The following TUBGCP3 variants were observed in gnomAD, a reference collection of about 807,000 sequenced individuals.
TUBGCP3 encodes the protein tubulin gamma complex component 3, also known as gamma-tubulin complex component 3.
Under a neutral mutation model 123.1 loss-of-function variants are expected in TUBGCP3, and 50 were observed. The observed-to-expected ratio is 0.41, with a 90% confidence interval of 0.32 to 0.51. The LOEUF (loss-of-function observed/expected upper bound fraction) is 0.51. Among genes scored for constraint, TUBGCP3 ranks in the 20% least tolerant of loss-of-function variants. The pLI, the probability that TUBGCP3 is intolerant of heterozygous loss-of-function variation, is 0.36. For synonymous variants in TUBGCP3, 405 were observed against 413.9 expected (o/e 0.98, Z 0.26); for missense variants, 882 against 1,127.0 (o/e 0.78, Z 3.11).
intron 19 of TUBGCP3, among the ~76,000 whole-genome samples, chr13:112,502,606 C>T (rs9550119): frequency 0.15 from 21,286 of 141,400 alleles, 1,841 homozygotes; most frequent in Non-Finnish European, 0.2. Context: ...AGTGCAATGG[C>T]GCAATCTTGG....
chr13:112,488,752 A>T (rs1879858462), intron 21 of TUBGCP3, among the ~76,000 whole-genome samples: 1 of 137,678 alleles, frequency 7.3e-6, no homozygotes, highest in Admixed American at 7.0e-5. Context: ...CACACCCACC[A>T]CAGGGGAGCA....
chr13:112,506,193 A>G (rs1881294835), intron 17 of TUBGCP3, among the ~76,000 whole-genome samples: 1 of 152,154 alleles, frequency 6.6e-6, no homozygotes, highest in Non-Finnish European at 1.5e-5. Context: ...TGTTAAAGAG[A>G]GGGATGACAC....
intron 1 of TUBGCP3, 128 bp from the exon 2 acceptor site, chr13:112,569,387 G>C: frequency 1.4e-6 from 1 of 708,226 alleles, no homozygotes; most frequent in Non-Finnish European, 2.4e-6. Context: ...TCTTAACTGA[G>C]AGGACAGAAA....
chr13:112,588,765 G>A (rs1882802909), upstream of TUBGCP3, among the ~76,000 whole-genome samples: 1 of 152,158 alleles, frequency 6.6e-6, no homozygotes, highest in Non-Finnish European at 1.5e-5. Context: ...TGCACGCTTG[G>A]GAGCCGTGAG....
At chr13:112,490,948 G>A (rs1594096307) in intron 20 of TUBGCP3, among the ~76,000 whole-genome samples, 1 of 152,252 alleles carries the variant, frequency 6.6e-6, no homozygotes, top group East Asian at 1.9e-4. Context: ...GAAACCTATG[G>A]AAAATGATTT....
At position 112,504,605 on chromosome 13, in the gene TUBGCP3, AACACAATG is replaced by A; in HGVS notation, c.2175+13_2175+20del. 6.2e-7 allele frequency: 1 copy of A among 1,604,854 alleles called. No homozygotes were observed. ...GACATGACTTATTTAAACTAAAATC[AACACAATG>A]ACTGAAGTGTACCTCAAATGTGATG... is the stretch of plus-strand genomic sequence containing the variant. On this transcript the variant is annotated intron_variant, in intron 18 of 21. Transcript: ENST00000261965.
chr13:112,574,343 C>A (rs1881646311), intron 1 of TUBGCP3, among the ~76,000 whole-genome samples: 1 of 147,532 alleles, frequency 6.8e-6, no homozygotes, highest in Non-Finnish European at 1.5e-5. Context: ...CCTGCCCAAT[C>A]CACAGAGAAT....
At position 112,486,068 on chromosome 13, in the gene TUBGCP3, G is replaced by A. The variant is rs758513847; in HGVS notation, c.2649C>T (p.Asn883=). The A allele has an allele frequency of 2.5e-5, 41 of 1,610,318 alleles. No individual in the cohort carries two copies. Among genetic ancestry groups the A allele is most frequent in the Non-Finnish European group, 2.8e-5 (33 of 1,176,980 alleles). The change falls in exon 22 of 22, where the codon AAC becomes AAT. Residue 883 remains asparagine (N), a synonymous_variant. Transcript: ENST00000261965. ...TGGGCTCCCTGGCTTTGTAATGCTC[G>A]TTGAAGTCCAGCCTGAAGCTAAGAA... ...LRFLSFRLDF[N]EHYKAREPRL...
In TUBGCP3 at chr13:112,575,978, C is replaced by G. The variant is rs1167532293; in HGVS notation, c.77-6719G>C. 2.0e-5 allele frequency among the ~76,000 whole-genome samples: 3 copies of G among 152,182 alleles called. No individual in the cohort carries two copies. The East Asian group carries it at 5.8e-4, about 29-fold the overall frequency. ...AGGACACTGCCTTTGGCTCTGGTCT[C>G]CAGAAACACAGGGGAATAAACGAAC... On this transcript the variant is annotated intron_variant, in intron 1 of 21. Transcript: ENST00000261965.
chr13:112,578,527 C>T (rs1337545476), intron 1 of TUBGCP3, among the ~76,000 whole-genome samples: 1 of 126,342 alleles, frequency 7.9e-6, no homozygotes, highest in Admixed American at 9.3e-5. Context: ...CCACTGCAGT[C>T]CAGCTTGGGC....
In TUBGCP3 at chr13:112,524,431, G is replaced by T. The variant is rs748498517; in HGVS notation, c.1556-1922C>A. ...ATGGAGAGCCTCCGGCACAGCAGGC[G>T]CATGGGGACGCCCTGTCCCAGGCAC... On this transcript the variant is annotated intron_variant, in intron 13 of 21. Coordinates refer to ENST00000261965, the MANE Select transcript of TUBGCP3 (RefSeq NM_006322.6). The surrounding 1 kb of genome is among the most constrained non-coding windows in gnomAD (Gnocchi z 4.4). Among the ~76,000 whole-genome samples the T allele has an allele frequency of 2.6e-5, 4 of 152,200 alleles. No homozygotes were observed. Among genetic ancestry groups the T allele is most frequent in the African/African-American group, 9.7e-5 (4 of 41,448 alleles).
At chr13:112,498,154 T>C (rs557090871) in intron 20 of TUBGCP3, among the ~76,000 whole-genome samples, 16 of 152,280 alleles carry the variant, frequency 1.1e-4, no homozygotes, top group African/African-American at 3.8e-4. Context: ...ATTACAGGTA[T>C]ATAAACATAC....
intron 3 of TUBGCP3, among the ~76,000 whole-genome samples, chr13:112,563,324 T>C (rs9577377): frequency 0.16 from 23,970 of 152,130 alleles, 2,148 homozygotes; most frequent in Non-Finnish European, 0.21. Context: ...TGCGGAGCCA[T>C]TTTTAGCAAA....
chr13:112,491,885 C>T (rs1295783233), intron 20 of TUBGCP3, among the ~76,000 whole-genome samples: 7 of 152,240 alleles, frequency 4.6e-5, no homozygotes, highest in Admixed American at 1.3e-4. Flanking sequence ...AAACACCATC[C>T]TCTACTGAGG....
At chr13:112,525,149 A>G (rs948038756) in intron 13 of TUBGCP3, among the ~76,000 whole-genome samples, 3 of 152,234 alleles carry the variant, frequency 2.0e-5, no homozygotes, top group Non-Finnish European at 2.9e-5. Context: ...AGTCTGTCAC[A>G]TTATTAAATA....
intron 3 of TUBGCP3, among the ~76,000 whole-genome samples, chr13:112,560,201 C>T (rs866927884): frequency 6.7e-6 from 1 of 150,092 alleles, no homozygotes; most frequent in African/African-American, 2.5e-5. Flanking sequence ...GAGGCCGAGG[C>T]GGGCGGATCA....
At chr13:112,594,657 G>A in the TUBGCP3 span, among the ~76,000 whole-genome samples, 1 of 152,050 alleles carries the variant, frequency 6.6e-6, no homozygotes. Flanking sequence ...TGAACACTTA[G>A]GTTATTGTTT....
At chr13:112,597,295 ATTATC>A in the TUBGCP3 span, among the ~76,000 whole-genome samples, 1 of 152,238 alleles carries the variant, frequency 6.6e-6, no homozygotes, top group African/African-American at 2.4e-5. Context: ...TCAGCTTTAA[ATTATC>A]TTAACTTATG....
chr13:112,558,046 TG>T (rs1202094500), intron 5 of TUBGCP3, 149 bp downstream of exon 5: 1 of 779,054 alleles, frequency 1.3e-6, no homozygotes, highest in Non-Finnish European at 2.0e-6. Context: ...CGTTCAGAGA[TG>T]GAGTGCATCG....
Sources: gnomAD v4.1 joint callset for allele counts (sites outside exome capture counted in the v4.1 genomes callset) on GRCh38, gnomAD v4.1.1 for gene constraint, Gnocchi (gnomAD v3.1) non-coding constraint, MANE v1.5 for transcripts, NCBI Gene and HGNC (gene_info 2026-07-23, HGNC 2026-07-21) for gene names.